Variants in UBE2G2 observed in about 807,000 individuals in gnomAD.
UBE2G2 encodes the protein ubiquitin conjugating enzyme E2 G2.
Under a neutral mutation model 23.0 loss-of-function variants are expected in UBE2G2, and 10 were observed. The observed-to-expected ratio is 0.43, with a 90% CI of 0.27 to 0.74. The LOEUF is 0.74. Among genes scored for constraint, UBE2G2 ranks in the 30% least tolerant of loss-of-function variants. The probability of loss-of-function intolerance (pLI) is 0.19; values close to 1 mark genes in which losing one functional copy is unlikely to be tolerated. For synonymous variants in UBE2G2, 86 were observed against 81.3 expected (o/e 1.06, Z -0.31); for missense variants, 150 against 218.3 (o/e 0.69, Z 1.97).
intron 1 of UBE2G2, among the ~76,000 whole-genome samples, chr21:44,790,261 G>C (rs1391442309): frequency 6.6e-6 from 1 of 152,150 alleles, no homozygotes; most frequent in Non-Finnish European, 1.5e-5. Flanking sequence ...AATGCAAAAT[G>C]GTTTGGTTAC....
intron 3 of UBE2G2, among the ~76,000 whole-genome samples, chr21:44,779,371 T>TGGGGG (rs375243003): frequency 2.7e-5 from 2 of 75,396 alleles, no homozygotes; most frequent in Non-Finnish European, 2.6e-5. Context: ...GGAGCTGGGG[T>TGGGGG]GGGGGGGGGG....
chr21:44,783,513 A>T (rs1324367667), intron 3 of UBE2G2, among the ~76,000 whole-genome samples: 4 of 152,254 alleles, frequency 2.6e-5, no homozygotes, highest in Admixed American at 2.0e-4. Flanking sequence ...AGGAAGCCCA[A>T]ATGTCCATCA....
chr21:44,773,478 A>T, intron 5 of UBE2G2, 69 bp downstream of exon 5: 2 of 1,532,096 alleles, frequency 1.3e-6, no homozygotes, highest in Admixed American at 3.8e-5. Context: ...AGACAGGATG[A>T]CGCAAGGCTG....
At chr21:44,797,741 AGAG>A (rs1569302665) in intron 1 of UBE2G2, among the ~76,000 whole-genome samples, 19 of 107,966 alleles carry the variant, frequency 1.8e-4, no homozygotes, top group African/African-American at 2.4e-4. Context: ...AAAAAAAAAA[AGAG>A]AAAATACCTG....
At chr21:44,801,522 C>T (rs1235989641) in intron 1 of UBE2G2, 184 bp downstream of exon 1, 1 of 1,116,668 alleles carries the variant, frequency 9.0e-7, no homozygotes, top group African/African-American at 1.7e-5. Flanking sequence ...CTCTTCACGA[C>T]TTCACGCGTG....
chr21:44,800,543 C>T (rs1008754268), intron 1 of UBE2G2: 4 of 152,126 alleles, frequency 2.6e-5, no homozygotes, highest in Non-Finnish European at 5.9e-5. Flanking sequence ...AATACCACGC[C>T]ACCTTATAGT....
intron 1 of UBE2G2, among the ~76,000 whole-genome samples, chr21:44,799,758 C>T (rs1333622292): frequency 6.6e-6 from 1 of 152,226 alleles, no homozygotes; most frequent in Non-Finnish European, 1.5e-5. Flanking sequence ...AGAACTTTTC[C>T]TTTGCATTCA....
At chr21:44,786,056 T>C (rs546636758) in intron 3 of UBE2G2, among the ~76,000 whole-genome samples, 3 of 142,564 alleles carry the variant, frequency 2.1e-5, no homozygotes, top group Middle Eastern at 3.4e-3. Flanking sequence ...AGCTTCCAAA[T>C]AGGCCTACGG....
intron 4 of UBE2G2, 121 bp downstream of exon 4, chr21:44,777,177 TA>T (rs1452149033): frequency 9.5e-6 from 8 of 845,200 alleles, no homozygotes; most frequent in Non-Finnish European, 1.5e-5. Flanking sequence ...TTTCAAAACA[TA>T]AGAAGTGTTT....
intron 1 of UBE2G2, 161 bp downstream of exon 1, chr21:44,801,545 G>T: frequency 8.7e-7 from 1 of 1,152,362 alleles, no homozygotes; most frequent in Non-Finnish European, 1.1e-6. Flanking sequence ...AGTGGGCAGC[G>T]GGCGCAGGGC....
chr21:44,794,799 CT>C (rs1310075507), intron 1 of UBE2G2, among the ~76,000 whole-genome samples: 3 of 152,262 alleles, frequency 2.0e-5, no homozygotes, highest in Admixed American at 6.5e-5. Context: ...CCACAAAGTG[CT>C]GGGATTACAG....
chr21:44,784,418 T>C (rs201400229), intron 3 of UBE2G2, among the ~76,000 whole-genome samples: 1 of 121,960 alleles, frequency 8.2e-6, no homozygotes, highest in African/African-American at 2.5e-5. Flanking sequence ...TTTTTTATTA[T>C]TATTACTGCA....
intron 3 of UBE2G2, among the ~76,000 whole-genome samples, chr21:44,786,508 A>AAAAACATTT (rs1443936016): frequency 6.6e-6 from 1 of 152,248 alleles, no homozygotes; most frequent in Admixed American, 6.5e-5. Flanking sequence ...ATGATTTTTT[A>AAAAACATTT]AAAACATTTT....
intron 3 of UBE2G2, 33 bp from the exon 4 acceptor site, chr21:44,777,450 A>C (rs1555960732): frequency 6.3e-7 from 1 of 1,599,888 alleles, no homozygotes. Flanking sequence ...ACTGAACTTC[A>C]AAGTACATTT....
intron 1 of UBE2G2, among the ~76,000 whole-genome samples, chr21:44,792,030 G>A (rs78009852): frequency 1.3e-5 from 2 of 152,328 alleles, no homozygotes; most frequent in East Asian, 3.9e-4. Context: ...TTGCATGGGG[G>A]CCTGTAGCCC....
At chr21:44,779,728 A>G (rs2082942388) in intron 3 of UBE2G2, among the ~76,000 whole-genome samples, 2 of 152,126 alleles carry the variant, frequency 1.3e-5, no homozygotes, top group African/African-American at 4.8e-5. Flanking sequence ...CCACCCATTC[A>G]TTCTCCACAC....
rs1555964931 is a variant in UBE2G2, at chr21:44,801,785, G to A, written c.-37C>T. On this transcript the variant is annotated 5_prime_UTR_variant, in exon 1 of 6. Transcript: ENST00000345496. Reference sequence around the variant, plus strand: ...AGCTGCGCCGAGCGACCTCGCCTCAGCCGCGCGCGTGCCTCCTGCCCCGAC... The same window carrying A: ...AGCTGCGCCGAGCGACCTCGCCTCAACCGCGCGCGTGCCTCCTGCCCCGAC... 1.3e-6 allele frequency: 2 copies of A among 1,505,514 alleles called. No homozygotes were observed. Among genetic ancestry groups the A allele is most frequent in the South Asian group, 1.3e-5 (1 of 79,764 alleles). 93.3% of individuals were successfully genotyped at this position (1,505,514 alleles called of 1,614,324 possible). A position where few individuals can be genotyped will look rare whatever the true frequency, so the allele number is the denominator to read the frequency against.
intron 1 of UBE2G2, chr21:44,800,065 T>C (rs2083122815): frequency 6.6e-6 from 1 of 152,120 alleles, no homozygotes; most frequent in African/African-American, 2.4e-5. Flanking sequence ...ATAATTACAA[T>C]AGTAACATCA....
intron 1 of UBE2G2, among the ~76,000 whole-genome samples, chr21:44,792,678 G>T (rs911487645): frequency 6.6e-6 from 1 of 152,126 alleles, no homozygotes; most frequent in African/African-American, 2.4e-5. Context: ...CTAATGTACC[G>T]ATTAACCGTT....
Sources: allele counts gnomAD v4.1 joint callset (sites outside exome capture counted in the v4.1 genomes callset), GRCh38; gene constraint gnomAD v4.1.1; transcripts MANE v1.5; gene names NCBI Gene and HGNC (gene_info 2026-07-23, HGNC 2026-07-21).